Variants in TBL1X observed in about 807,000 individuals in gnomAD.
TBL1X encodes the protein F-box-like/WD repeat-containing protein TBL1X.
Under a neutral mutation model 50.7 loss-of-function variants are expected in TBL1X, and 10 were observed. That is an observed-to-expected ratio of 0.20 (90% CI 0.12 to 0.33). TBL1X has a LOEUF of 0.33. TBL1X is among the 10% of genes least tolerant of loss of function. The pLI is 1.00. For synonymous variants in TBL1X, 190 were observed against 214.7 expected (o/e 0.88, Z 1.01); for missense variants, 340 against 504.4 (o/e 0.67, Z 3.12).
intron 5 of TBL1X, among the ~76,000 whole-genome samples, chrX:9,674,602 G>C (rs183182600): frequency 0.016 from 1,511 of 95,229 alleles, 39 homozygotes; most frequent in African/African-American, 0.059. Context: ...CTCTCTGTTG[G>C]CCAGGCTGGA....
intron 2 of TBL1X, among the ~76,000 whole-genome samples, chrX:9,599,684 C>G (rs2082544580): frequency 8.9e-6 from 1 of 112,514 alleles, no homozygotes; most frequent in Non-Finnish European, 1.9e-5. Flanking sequence ...GGCCATATTA[C>G]TACTTCTGGC....
intron 2 of TBL1X, among the ~76,000 whole-genome samples, chrX:9,516,219 C>G (rs1233933773): frequency 9.0e-6 from 1 of 111,488 alleles, no homozygotes. Flanking sequence ...GGGTCCATAA[C>G]AAGCAGTGAA....
At chrX:9,605,901 C>G (rs758897163) in intron 2 of TBL1X, among the ~76,000 whole-genome samples, 1 of 112,347 alleles carries the variant, frequency 8.9e-6, no homozygotes, top group South Asian at 3.7e-4. Flanking sequence ...CCAATGCACT[C>G]CAGTTTCAGC....
intron 6 of TBL1X, among the ~76,000 whole-genome samples, chrX:9,686,336 A>C (rs1475638767): frequency 2.7e-5 from 3 of 111,515 alleles, no homozygotes; most frequent in Non-Finnish European, 5.7e-5. Flanking sequence ...TTCCCTCGGC[A>C]CTCCAGATTC....
chrX:9,487,015 T>C (rs60183721), intron 1 of TBL1X, among the ~76,000 whole-genome samples: 6,664 of 111,851 alleles, frequency 0.06, 485 homozygotes, highest in African/African-American at 0.21. Flanking sequence ...GGAGAAGTCG[T>C]GGAACAGATT....
chrX:9,697,579 C>G (rs777115288), intron 12 of TBL1X, 150 bp downstream of exon 12: 4 of 776,295 alleles, frequency 5.2e-6, no homozygotes, highest in Non-Finnish European at 7.3e-6. Context: ...CAAGACCAGC[C>G]TGGGCAACAT....
At chrX:9,482,200 C>T (rs1191728798) in intron 1 of TBL1X, among the ~76,000 whole-genome samples, 2 of 112,415 alleles carry the variant, frequency 1.8e-5, no homozygotes, top group African/African-American at 6.5e-5. Context: ...TTGCTACTAC[C>T]TCTTTCCTGA....
chrX:9,533,681 G>A (rs1417337077), intron 2 of TBL1X, among the ~76,000 whole-genome samples: 13 of 110,999 alleles, frequency 1.2e-4, no homozygotes, highest in Non-Finnish European at 1.9e-4. Context: ...GTGATGGTGG[G>A]TATTCGTGCA....
chrX:9,712,239 C>T (rs192745051), intron 16 of TBL1X, among the ~76,000 whole-genome samples: 140 of 112,921 alleles, frequency 1.2e-3, no homozygotes, highest in Middle Eastern at 4.6e-3. Context: ...CTGCAGCTCC[C>T]TTACGGAGCA....
chrX:9,691,378 G>C (rs2083095671), intron 7 of TBL1X, among the ~76,000 whole-genome samples: 1 of 105,285 alleles, frequency 9.5e-6, no homozygotes, highest in African/African-American at 3.5e-5. Flanking sequence ...GGAGGTTGCA[G>C]TGAGCCGAGG....
At chrX:9,703,667 G>A (rs941409688) in intron 12 of TBL1X, among the ~76,000 whole-genome samples, 1 of 111,900 alleles carries the variant, frequency 8.9e-6, no homozygotes, top group African/African-American at 3.2e-5. Context: ...GGCCCCCACC[G>A]TGGGAACTTC....
At chrX:9,626,671 C>T (rs896380806) in intron 2 of TBL1X, among the ~76,000 whole-genome samples, 16 of 112,400 alleles carry the variant, frequency 1.4e-4, no homozygotes, top group African/African-American at 5.2e-4. Flanking sequence ...TGGCCATGGC[C>T]CATGAGCATA....
chrX:9,667,236 G>A (rs1256879792), intron 5 of TBL1X, among the ~76,000 whole-genome samples: 1 of 111,865 alleles, frequency 8.9e-6, no homozygotes, highest in East Asian at 2.8e-4. Flanking sequence ...ACTCCAGCCT[G>A]GGTGACAGAG....
intron 2 of TBL1X, among the ~76,000 whole-genome samples, chrX:9,556,783 G>A (rs1309198765): frequency 9.8e-6 from 1 of 102,248 alleles, no homozygotes; most frequent in Non-Finnish European, 1.9e-5. Flanking sequence ...CTGGTTTTTT[G>A]TTTTGTTTTG....
At chrX:9,571,316 T>C (rs949833804) in intron 2 of TBL1X, among the ~76,000 whole-genome samples, 16 of 112,240 alleles carry the variant, frequency 1.4e-4, no homozygotes, top group Non-Finnish European at 2.8e-4. Flanking sequence ...ATCAATTTAG[T>C]TTAACTTCAT....
chrX:9,637,182 C>T (rs958617819), intron 2 of TBL1X: 2 of 111,791 alleles, frequency 1.8e-5, no homozygotes. Flanking sequence ...TCTAAAACAT[C>T]GGAAAACAAT....
At chrX:9,590,942 C>T (rs1487138969) in intron 2 of TBL1X, among the ~76,000 whole-genome samples, 1 of 99,606 alleles carries the variant, frequency 1.0e-5, no homozygotes, top group Non-Finnish European at 2.0e-5. Flanking sequence ...GTGCCTTTCT[C>T]AGAGACTCGA....
At chrX:9,647,097 G>T (rs760728511) in intron 3 of TBL1X, among the ~76,000 whole-genome samples, 10 of 111,810 alleles carry the variant, frequency 8.9e-5, no homozygotes, top group Non-Finnish European at 1.9e-4. Context: ...CATACTCAAT[G>T]AAATGAAACT....
chrX:9,540,133 ATCATCACTG>A (rs1485883383), intron 2 of TBL1X, among the ~76,000 whole-genome samples: 2 of 112,643 alleles, frequency 1.8e-5, no homozygotes, highest in Non-Finnish European at 3.7e-5. Flanking sequence ...GTAACTAATC[ATCATCACTG>A]TCATCACTAG....
Sources: allele counts gnomAD v4.1 joint callset (sites outside exome capture counted in the v4.1 genomes callset), GRCh38; gene constraint gnomAD v4.1.1; transcripts MANE v1.5; gene names NCBI Gene and HGNC (gene_info 2026-07-23, HGNC 2026-07-21).